The following ACTN2 variants were observed in gnomAD, a reference collection of about 807,000 sequenced individuals.
The protein encoded by ACTN2 is alpha-actinin-2.
In ACTN2, 39 loss-of-function variants were observed where a neutral mutation model predicts 113.8. That is an observed-to-expected ratio of 0.34 (90% CI 0.27 to 0.45). The LOEUF (loss-of-function observed/expected upper bound fraction) is 0.45, where lower values mean the gene tolerates loss of function less well. Among genes scored for constraint, ACTN2 ranks in the 20% least tolerant of loss-of-function variants. The probability of loss-of-function intolerance (pLI) is 1.00; values close to 1 mark genes in which losing one functional copy is unlikely to be tolerated. For synonymous variants in ACTN2, 429 were observed against 444.1 expected (o/e 0.97, Z 0.43); for missense variants, 992 against 1,177.9 (o/e 0.84, Z 2.31).
intron 1 of ACTN2, among the ~76,000 whole-genome samples, chr1:236,691,221 G>A (rs1666071581): frequency 6.6e-6 from 1 of 151,904 alleles, no homozygotes; most frequent in African/African-American, 2.4e-5. Flanking sequence ...GGGATTACAG[G>A]CGTGAGCCAC....
intron 1 of ACTN2, among the ~76,000 whole-genome samples, chr1:236,694,412 G>A (rs1253856157): frequency 6.6e-6 from 1 of 151,182 alleles, no homozygotes; most frequent in African/African-American, 2.4e-5. Flanking sequence ...TAGTAGAGAC[G>A]GGGTTTCTCC....
chr1:236,720,044 GA>G, intron 3 of ACTN2, 60 bp from the exon 4 acceptor site: 2 of 1,205,982 alleles, frequency 1.7e-6, no homozygotes, highest in Non-Finnish European at 2.5e-6. Flanking sequence ...TTATATATAG[GA>G]AAAAAGTTAC....
intron 10 of ACTN2, among the ~76,000 whole-genome samples, 181 bp downstream of exon 10, chr1:236,739,713 T>C (rs1659011028): frequency 6.6e-6 from 1 of 152,224 alleles, no homozygotes; most frequent in South Asian, 2.1e-4. Context: ...ATGTACTTCT[T>C]GAATCCAGCT....
At chr1:236,732,608 A>G (rs1658744593) in intron 7 of ACTN2, among the ~76,000 whole-genome samples, 1 of 151,376 alleles carries the variant, frequency 6.6e-6, no homozygotes, top group Non-Finnish European at 1.5e-5. Flanking sequence ...ATGCCCAGCT[A>G]CTTTTTGTTT....
chr1:236,742,901 T>C lies in ACTN2; in HGVS notation c.1113T>C (p.Ile371=). The change falls in exon 11 of 21, where the codon ATT becomes ATC. Residue 371 remains isoleucine, a synonymous_variant. Coordinates refer to ENST00000366578, the MANE Select transcript of ACTN2 (RefSeq NM_001103.4). Reference sequence around the variant, plus strand: ...TTGGCTTCCAACCATCCCAGGATATTGCTGGTGCCTGGCAGAGGCTGGAGC... The same window carrying C: ...TTGGCTTCCAACCATCCCAGGATATCGCTGGTGCCTGGCAGAGGCTGGAGC... ...MPSEGKMVSD[I]AGAWQRLEQA... The C allele has an allele frequency of 6.2e-7, 1 of 1,614,232 alleles. No individual in the cohort carries two copies. Among genetic ancestry groups the C allele is most frequent in the Non-Finnish European group, 8.5e-7 (1 of 1,180,042 alleles).
At chr1:236,701,617 A>G (rs983887505) in intron 1 of ACTN2, among the ~76,000 whole-genome samples, 1 of 152,214 alleles carries the variant, frequency 6.6e-6, no homozygotes, top group African/African-American at 2.4e-5. Flanking sequence ...TTATACTTAC[A>G]CTTTAGACAA....
chr1:236,731,855 C>T (rs1658720965), intron 7 of ACTN2, among the ~76,000 whole-genome samples: 1 of 152,132 alleles, frequency 6.6e-6, no homozygotes, highest in Non-Finnish European at 1.5e-5. Context: ...AAAGAACTTC[C>T]ATATATTTTG....
chr1:236,695,285 T>C (rs1044218531), intron 1 of ACTN2, among the ~76,000 whole-genome samples: 1 of 147,508 alleles, frequency 6.8e-6, no homozygotes, highest in Non-Finnish European at 1.5e-5. Flanking sequence ...GGCTGAGGCA[T>C]GAAAATCACT....
chr1:236,709,220 G>GTGTGTGTATA lies in ACTN2; in HGVS notation c.127-8637_127-8636insGTGTGTATAT, dbSNP rs1275373436. On this transcript the variant is annotated intron_variant, in intron 1 of 20. Transcript: ENST00000366578. ...ATAAAGCTGATCATGACAAATGACT[G>GTGTGTGTATA]TATATATATATATATATATATATAT... Among the ~76,000 whole-genome samples, 235 of 66,816 alleles carry GTGTGTGTATA rather than the reference G, an allele frequency of 3.5e-3. 1 individual carries two copies. The highest frequency in any genetic ancestry group is 0.014 in the African/African-American group (224 of 16,472). The allele number at this position is 66,816 out of a possible 152,430, so 43.8% of individuals were successfully genotyped here. A position where few individuals can be genotyped will look rare whatever the true frequency, so the allele number is the denominator to read the frequency against.
chr1:236,759,717 C>T lies in ACTN2; in HGVS notation c.2302-7C>T. 6.2e-7 allele frequency: 1 copy of T among 1,613,560 alleles called. No individual in the cohort carries two copies. The highest frequency in any genetic ancestry group is 8.5e-7 in the Non-Finnish European group (1 of 1,179,534). The stretch of plus-strand genomic sequence containing the variant: ...TCACCTGCTCTGTCCTTTGTTTTTG[C>T]CAACAGAGGAAGAATGGCCTGATGG... On this transcript the variant is annotated splice_polypyrimidine_tract_variant and splice_region_variant and intron_variant, in intron 18 of 20. Coordinates refer to ENST00000366578, the MANE Select transcript of ACTN2 (RefSeq NM_001103.4).
At position 236,754,766 on chromosome 1, in the gene ACTN2, C is replaced by T. The variant is rs544659722; in HGVS notation, c.1975-253C>T. ...AAGCTGAAGGACTTATCTCTGACCC[C>T]TCTTGCCTCTCTGTTTTGGATCTTG... On this transcript the variant is annotated intron_variant, in intron 16 of 20. Transcript: ENST00000366578. The surrounding 1 kb of genome is among the most constrained non-coding windows in gnomAD (Gnocchi z 4.9). Among the ~76,000 whole-genome samples, 4 of 152,338 alleles carry T rather than the reference C, an allele frequency of 2.6e-5. No individual in the cohort carries two copies. Among genetic ancestry groups the T allele is most frequent in the Admixed American group, 2.0e-4 (3 of 15,302 alleles).
intron 1 of ACTN2, among the ~76,000 whole-genome samples, chr1:236,693,426 A>G (rs977655329): frequency 1.8e-4 from 28 of 152,266 alleles, no homozygotes; most frequent in Admixed American, 1.8e-3. Flanking sequence ...GGTCTGTGAG[A>G]AGCACAGAGG....
At chr1:236,709,255 T>TACATATAC (rs1657935229) in intron 1 of ACTN2, among the ~76,000 whole-genome samples, 1 of 68,900 alleles carries the variant, frequency 1.5e-5, no homozygotes, top group South Asian at 4.9e-4. Context: ...TATATATATA[T>TACATATAC]ACACACACAC....
At chr1:236,731,014 T>G (rs1378100180) in intron 6 of ACTN2, among the ~76,000 whole-genome samples, 1 of 152,222 alleles carries the variant, frequency 6.6e-6, no homozygotes, top group African/African-American at 2.4e-5. Context: ...GTTCACACTT[T>G]ATGATTGGAG....
At chr1:236,697,366 A>G (rs1258780665) in intron 1 of ACTN2, among the ~76,000 whole-genome samples, 1 of 152,144 alleles carries the variant, frequency 6.6e-6, no homozygotes, top group Non-Finnish European at 1.5e-5. Flanking sequence ...CTTGATATCC[A>G]ATGGATAAAA....
chr1:236,760,482 G>T (rs1340888053), intron 19 of ACTN2, among the ~76,000 whole-genome samples: 1 of 152,178 alleles, frequency 6.6e-6, no homozygotes, highest in African/African-American at 2.4e-5. Flanking sequence ...GGTAAAAAAG[G>T]TTTAGTCGTA....
intron 14 of ACTN2, 146 bp from the exon 15 acceptor site, chr1:236,751,324 T>C: frequency 9.9e-7 from 1 of 1,013,038 alleles, no homozygotes; most frequent in Non-Finnish European, 1.5e-6. Context: ...ACCTAAAGAG[T>C]TTTTTCTAAA....
chr1:236,708,718 G>T (rs707210), intron 1 of ACTN2, among the ~76,000 whole-genome samples: 98,218 of 152,006 alleles, frequency 0.65, 32,702 homozygotes, highest in Non-Finnish European at 0.73. Flanking sequence ...TGGCTGGGGG[G>T]ATTGAGACGC....
intron 1 of ACTN2, among the ~76,000 whole-genome samples, chr1:236,696,343 G>T (rs1035603456): frequency 6.6e-6 from 1 of 151,726 alleles, no homozygotes; most frequent in Non-Finnish European, 1.5e-5. Flanking sequence ...AGATTGTTTT[G>T]GGGGAATGGG....
Sources: gnomAD v4.1 joint callset for allele counts (sites outside exome capture counted in the v4.1 genomes callset) on GRCh38, gnomAD v4.1.1 for gene constraint, Gnocchi (gnomAD v3.1) non-coding constraint, MANE v1.5 for transcripts, NCBI Gene and HGNC (gene_info 2026-07-23, HGNC 2026-07-21) for gene names.